ERCC2: variants seen among roughly 807,000 people sequenced by gnomAD.
ERCC2 encodes general transcription and DNA repair factor IIH helicase subunit XPD.
ERCC2 carries 90 observed loss-of-function variants against 99.4 expected under a neutral mutation model. The observed-to-expected ratio is 0.91, with a 90% confidence interval of 0.76 to 1.08. ERCC2 has a LOEUF of 1.08. ERCC2 is among the 50% of genes least tolerant of loss of function. The pLI, the probability that ERCC2 is intolerant of heterozygous loss-of-function variation, is 0.00. For missense variants in ERCC2, 993 were observed against 1,038.1 expected, an observed-to-expected ratio of 0.96 and a Z score of 0.60; for synonymous variants, 497 against 432.4, an observed-to-expected ratio of 1.15 and a Z score of -1.85.
At position 45,369,093 on chromosome 19, in the gene ERCC2, C is replaced by A. The variant is rs992698178; in HGVS notation, c.160G>T (p.Ala54Ser). ...SGTGKTVSLL[A>S]LIMAYQRAYP... ...ACTCTCTGGTATGCCATGATCAGGG[C>A]CAACAGGGATACTGTCTTCCCGGTG... Residue 54 changes from alanine to serine, a missense_variant, in exon 3 of 23, where the codon GCC (alanine) becomes TCC (serine). This residue lies in a region of ERCC2 where 29 missense variants were observed against 62.1 expected (regional missense o/e 0.47). Transcript: ENST00000391945. 6.2e-7 allele frequency: 1 copy of A among 1,614,030 alleles called. No individual in the cohort carries two copies. Among genetic ancestry groups the A allele is most frequent in the African/African-American group, 1.3e-5 (1 of 74,910 alleles).
chr19:45,368,760 G>A lies in ERCC2; in HGVS notation c.247-17C>T. The A allele has an allele frequency of 6.3e-7, 1 of 1,598,724 alleles. No homozygotes were observed. Among genetic ancestry groups the A allele is most frequent in the Admixed American group, 1.7e-5 (1 of 58,614 alleles). ...TTCAATCACCTACTCCAAAGTTGGG[G>A]GGCAGGGGGAGCTTGTGCTCATTGG... On this transcript the variant is annotated splice_polypyrimidine_tract_variant and intron_variant, in intron 4 of 22. Coordinates refer to ENST00000391945, the MANE Select transcript of ERCC2 (RefSeq NM_000400.4).
chr19:45,365,095 C>A lies in ERCC2; in HGVS notation c.424G>T (p.Val142Leu), dbSNP rs368379343. The stretch of plus-strand genomic sequence containing the variant: ...GTGTCATGCTGGTACTGCGCCCGCA[C>A]ATAGGAGGCTGTGAGGCTGTGGCAT... ...GKCHSLTASY[V>L]RAQYQHDTSL... The change falls in exon 6 of 23, where the codon GTG (valine) becomes TTG (leucine). Residue 142 changes from valine to leucine, a missense_variant. This residue lies in a region of ERCC2 where 909 missense variants were observed against 930.8 expected (regional missense o/e 0.98). Coordinates refer to ENST00000391945, the MANE Select transcript of ERCC2 (RefSeq NM_000400.4). The A allele has an allele frequency of 1.2e-6, 2 of 1,614,084 alleles. No individual in the cohort carries two copies. The highest frequency in any genetic ancestry group is 2.7e-5 in the African/African-American group (2 of 74,932).
Position 45,364,532 on chromosome 19 carries a change from C to A in ERCC2, c.610G>T (p.Val204Leu), listed in dbSNP as rs1447439738. 4 of 1,613,334 alleles carry A rather than the reference C, an allele frequency of 2.5e-6. No homozygotes were observed. The highest frequency in any genetic ancestry group is 3.4e-6 in the Non-Finnish European group (4 of 1,180,016). Residue 204 changes from valine to leucine, a missense_variant, in exon 8 of 23, where the codon GTG becomes TTG. Physicochemically the swap from Val to Leu is conservative, Grantham distance 32. Around this residue, in one of 3 missense-constraint regions of ERCC2, gnomAD observed 909 missense variants for 930.8 expected, o/e 0.98. Coordinates refer to ENST00000391945, the MANE Select transcript of ERCC2 (RefSeq NM_000400.4). ...LARYSILHAN[V>L]VVYSYHYLLD... Reference sequence around the variant, plus strand: ...AGGTAGTGGTAGCTATAAACCACCACATTGGCATGCAGGATCTGGGGGGCC... The same window carrying A: ...AGGTAGTGGTAGCTATAAACCACCAAATTGGCATGCAGGATCTGGGGGGCC...
chr19:45,354,993 T>G, intron 16 of ERCC2, 142 bp from the exon 17 acceptor site: 2 of 1,064,108 alleles, frequency 1.9e-6, no homozygotes, highest in Non-Finnish European at 1.4e-6. Context: ...CTCCCGGGCG[T>G]GTCTGAGGAC....
At chr19:45,355,755 G>A (rs1186637999) in intron 15 of ERCC2, 27 bp from the exon 16 acceptor site, 1 of 1,608,672 alleles carries the variant, frequency 6.2e-7, no homozygotes, top group African/African-American at 1.3e-5. Context: ...GTCACGATAA[G>A]CGAGGCAGCA....
rs775407565 is a variant in ERCC2, at chr19:45,358,731, C to G, written c.1238-1032G>C. ...AGGCCCTCCCCAGCCACCTTTTCTA[C>G]GCAGACATATTCCAACACAACAATG... On this transcript the variant is annotated intron_variant, in intron 12 of 22. Transcript: ENST00000391945. 8.4e-6 allele frequency: 6 copies of G among 713,544 alleles called. 1 individual carries two copies. The highest frequency in any genetic ancestry group is 2.8e-4 in the Middle Eastern group (1 of 3,584). 44.2% of individuals were successfully genotyped at this position (713,544 alleles called of 1,614,324 possible). A position where few individuals can be genotyped will look rare whatever the true frequency, so the allele number is the denominator to read the frequency against.
intron 1 of ERCC2, 41 bp downstream of exon 1, chr19:45,370,495 C>T (rs1972572174): frequency 6.4e-7 from 1 of 1,570,852 alleles, no homozygotes; most frequent in Non-Finnish European, 8.6e-7. Context: ...TCAAGACCCC[C>T]CGCGCCCGCT....
At chr19:45,358,814 C>T (rs1018648673) in intron 12 of ERCC2, 2 of 780,522 alleles carry the variant, frequency 2.6e-6, no homozygotes, top group African/African-American at 1.7e-5. Flanking sequence ...TATTTGGCTG[C>T]ATCTTTGCTA....
chr19:45,350,341 G>T lies in ERCC2; in HGVS notation c.*1288C>A. On this transcript the variant is annotated 3_prime_UTR_variant, in exon 23 of 23. Coordinates refer to ENST00000391945, the MANE Select transcript of ERCC2 (RefSeq NM_000400.4). ...TTCCCAGACACTCCCTTCTCCGCAG[G>T]CCTCAGCCTACCTGAAACAGAACAA... The T allele has an allele frequency of 6.2e-7, 1 of 1,612,910 alleles. No homozygotes were observed. Among genetic ancestry groups the T allele is most frequent in the Non-Finnish European group, 8.5e-7 (1 of 1,179,856 alleles).
intron 12 of ERCC2, chr19:45,358,050 T>C (rs1252870076): frequency 3.2e-5 from 13 of 402,474 alleles, no homozygotes; most frequent in Non-Finnish European, 9.4e-6. Flanking sequence ...GACCTTTTCT[T>C]GTTTTTGTTT....
Position 45,357,448 on chromosome 19 carries a change from A to G in ERCC2, c.1377+26T>C, listed in dbSNP as rs1972050326. On this transcript the variant is annotated intron_variant, in intron 14 of 22. Transcript: ENST00000391945. ...GGCCCATGGAGGGAGGTCAGGGACT[A>G]GGAGGGGACGGGGAAGGGTCCTTAC... The G allele has an allele frequency of 2.5e-6, 4 of 1,613,274 alleles. No homozygotes were observed. The East Asian group carries it at 6.7e-5, about 27-fold the overall frequency.
At chr19:45,368,275 G>A (rs557929442) in intron 5 of ERCC2, among the ~76,000 whole-genome samples, 5 of 152,212 alleles carry the variant, frequency 3.3e-5, no homozygotes, top group African/African-American at 1.2e-4. Context: ...TATGAAGCAG[G>A]TACATAATTA....
intron 12 of ERCC2, among the ~76,000 whole-genome samples, chr19:45,359,645 T>C (rs1430970603): frequency 2.0e-5 from 3 of 152,124 alleles, no homozygotes; most frequent in African/African-American, 7.2e-5. Context: ...TCCCAGCCTC[T>C]CTACCTCCCA....
intron 15 of ERCC2, 86 bp from the exon 16 acceptor site, chr19:45,355,814 C>T (rs78042123): frequency 2.9e-6 from 2 of 678,416 alleles, no homozygotes; most frequent in Non-Finnish European, 4.9e-6. Flanking sequence ...CTGTTCTAAG[C>T]TTTTTTTTTT....
chr19:45,368,237 T>C lies in ERCC2; in HGVS notation c.360+393A>G, dbSNP rs575322048. Among the ~76,000 whole-genome samples, 4 of 152,150 alleles carry C rather than the reference T, an allele frequency of 2.6e-5. No individual in the cohort carries two copies. The South Asian group carries it at 8.3e-4, about 32-fold the overall frequency. On this transcript the variant is annotated intron_variant, in intron 5 of 22. Transcript: ENST00000391945. ...CATGCTAAGGGCATCGGCTGCAACA[T>C]TTCACCCAATTTTATCATCAGCAAC...
At chr19:45,360,929 G>A (rs906337176) in intron 12 of ERCC2, among the ~76,000 whole-genome samples, 4 of 152,066 alleles carry the variant, frequency 2.6e-5, no homozygotes, top group African/African-American at 7.2e-5. Flanking sequence ...TCAGGAGATC[G>A]AGACCGTCCT....
Position 45,364,307 on chromosome 19 carries a change from C to T in ERCC2, c.743G>A (p.Ser248Asn). The T allele has an allele frequency of 6.2e-7, 1 of 1,614,012 alleles. No individual in the cohort carries two copies. The highest frequency in any genetic ancestry group is 8.5e-7 in the Non-Finnish European group (1 of 1,180,000). Residue 248 changes from serine to asparagine, a missense_variant, in exon 9 of 23, where the codon AGC becomes AAC. This residue lies in a region of ERCC2 where 909 missense variants were observed against 930.8 expected (regional missense o/e 0.98). Transcript: ENST00000391945. Reference protein sequence around the residue: ...NIDNVCIDSMSVNLTRRTLDR... With the variant: ...NIDNVCIDSMNVNLTRRTLDR... ...AAGGGTCCGGCGGGTGAGGTTGACGCTCATGGAGTCGATGCAGACGTTGTC... is the reference window on the plus strand; with the variant it reads ...AAGGGTCCGGCGGGTGAGGTTGACGTTCATGGAGTCGATGCAGACGTTGTC...
rs752512145 is a variant in ERCC2 at position 45,351,390 on chromosome 19, G to A, written c.*239C>T. On this transcript the variant is annotated 3_prime_UTR_variant, in exon 23 of 23. Coordinates refer to ENST00000391945, the MANE Select transcript of ERCC2 (RefSeq NM_000400.4). ...TGAACTGCGCTGGCCGCAGCTTCTT[G>A]GGAACAGTGCAGGAGGGATGGGCTG... is the stretch of plus-strand genomic sequence containing the variant. 7 of 1,606,444 alleles carry A rather than the reference G, an allele frequency of 4.4e-6. No individual in the cohort carries two copies. The highest frequency in any genetic ancestry group is 1.3e-5 in the African/African-American group (1 of 74,910).
chr19:45,352,505 C>G lies in ERCC2; in HGVS notation c.2046+1G>C, dbSNP rs774768228. ...GCACAGGGGCACCCCTGAAGCTGCA[C>G]CTTGTCGGCAAAGACCATGAGGCCG... On this transcript the variant is annotated splice_donor_variant, in intron 21 of 22. Coordinates refer to ENST00000391945, the MANE Select transcript of ERCC2 (RefSeq NM_000400.4). LOFTEE classifies it high-confidence loss of function. The G allele has an allele frequency of 6.2e-7, 1 of 1,614,152 alleles. No homozygotes were observed. Among genetic ancestry groups the G allele is most frequent in the Admixed American group, 1.7e-5 (1 of 60,020 alleles).
Sources: allele counts gnomAD v4.1 joint callset (sites outside exome capture counted in the v4.1 genomes callset), GRCh38; gene constraint gnomAD v4.1.1; regional missense constraint gnomAD v4.1.1; transcripts MANE v1.5; gene names NCBI Gene and HGNC (gene_info 2026-07-23, HGNC 2026-07-21).